The following RBFOX1 variants were observed in gnomAD, a reference collection of about 807,000 sequenced individuals.
RBFOX1 encodes the protein RNA binding protein fox-1 homolog 1.
Under a neutral mutation model 57.7 loss-of-function variants are expected in RBFOX1, and 8 were observed. The observed-to-expected ratio is 0.14, with a 90% CI of 0.08 to 0.25. The LOEUF is 0.25. RBFOX1 is among the 10% of genes least tolerant of loss of function. The probability of loss-of-function intolerance (pLI) is 1.00; values close to 1 mark genes in which losing one functional copy is unlikely to be tolerated. For synonymous variants in RBFOX1, 326 were observed against 222.4 expected, an observed-to-expected ratio of 1.47 and a Z score of -4.15; for missense variants, 611 against 548.5, an observed-to-expected ratio of 1.11 and a Z score of -1.14.
intron 4 of RBFOX1, among the ~76,000 whole-genome samples, chr16:7,470,852 C>T (rs530011779): frequency 1.3e-5 from 2 of 150,994 alleles, no homozygotes; most frequent in African/African-American, 4.9e-5. Context: ...GTTAAAGTAG[C>T]ATTGAGCATA....
intron 1 of RBFOX1, among the ~76,000 whole-genome samples, chr16:5,414,703 T>C (rs2067115446): frequency 6.6e-6 from 1 of 152,172 alleles, no homozygotes; most frequent in Non-Finnish European, 1.5e-5. Context: ...AAATTCAAAA[T>C]GACCTCTGGC....
chr16:5,455,808 A>G (rs950854530), intron 1 of RBFOX1, among the ~76,000 whole-genome samples: 1 of 152,186 alleles, frequency 6.6e-6, no homozygotes. Context: ...GTGCTTGGCT[A>G]GAGAACCCTG....
At chr16:7,052,760 C>G (rs904245962) in intron 4 of RBFOX1, among the ~76,000 whole-genome samples, 7 of 152,112 alleles carry the variant, frequency 4.6e-5, no homozygotes, top group African/African-American at 1.4e-4. Context: ...AGTGGACATT[C>G]TTCTTGGTAT....
chr16:5,757,137 C>T (rs2053425898), intron 3 of RBFOX1, among the ~76,000 whole-genome samples: 1 of 152,006 alleles, frequency 6.6e-6, no homozygotes. Flanking sequence ...TACTGCATAG[C>T]TGCCAAGCTT....
chr16:5,335,979 A>G (rs2064886291), intron 1 of RBFOX1, among the ~76,000 whole-genome samples: 1 of 152,136 alleles, frequency 6.6e-6, no homozygotes, highest in South Asian at 2.1e-4. Context: ...TCTGGGATGT[A>G]GGAATTATTA....
At chr16:7,139,174 C>G (rs866130218) in intron 4 of RBFOX1, among the ~76,000 whole-genome samples, 25 of 22,778 alleles carry the variant, frequency 1.1e-3, no homozygotes, top group African/African-American at 2.1e-3. Flanking sequence ...ATCAATCTCT[C>G]TCTGTGTGTG....
chr16:7,544,442 T>G (rs923694142), intron 5 of RBFOX1, among the ~76,000 whole-genome samples: 2 of 152,132 alleles, frequency 1.3e-5, no homozygotes, highest in Non-Finnish European at 2.9e-5. Context: ...TTAGATGAGG[T>G]TATACTGGAT....
chr16:7,101,112 C>A (rs953342364), intron 4 of RBFOX1, among the ~76,000 whole-genome samples: 1 of 152,154 alleles, frequency 6.6e-6, no homozygotes, highest in Admixed American at 6.5e-5. Context: ...TGCTATGGTA[C>A]TTTTAAGGCA....
intron 1 of RBFOX1, among the ~76,000 whole-genome samples, chr16:5,311,818 T>C (rs2064098109): frequency 6.6e-6 from 1 of 152,226 alleles, no homozygotes; most frequent in South Asian, 2.1e-4. Context: ...CTCTTGTTGC[T>C]GTCAATCTAG....
chr16:6,858,006 T>C (rs1032506963), intron 3 of RBFOX1, among the ~76,000 whole-genome samples: 4 of 152,188 alleles, frequency 2.6e-5, no homozygotes, highest in African/African-American at 4.8e-5. Flanking sequence ...AACCAGCATA[T>C]GGAAAAGGCA....
At chr16:7,264,425 A>C (rs965426151) in intron 4 of RBFOX1, among the ~76,000 whole-genome samples, 3 of 152,230 alleles carry the variant, frequency 2.0e-5, no homozygotes, top group African/African-American at 7.2e-5. Flanking sequence ...GATGGCTCAC[A>C]GTAGTCCAGT....
chr16:6,225,423 C>G (rs2097409037), intron 1 of RBFOX1, among the ~76,000 whole-genome samples: 1 of 152,120 alleles, frequency 6.6e-6, no homozygotes, highest in East Asian at 1.9e-4. Flanking sequence ...TTAATTGAAT[C>G]AAGATCAACC....
At chr16:6,755,624 T>C (rs1469910507) in intron 3 of RBFOX1, among the ~76,000 whole-genome samples, 1 of 152,236 alleles carries the variant, frequency 6.6e-6, no homozygotes, top group Non-Finnish European at 1.5e-5. Context: ...ACTGTGGCTC[T>C]TTTAACTGTA....
intron 4 of RBFOX1, among the ~76,000 whole-genome samples, chr16:7,347,545 C>T (rs1327948854): frequency 6.6e-6 from 1 of 152,052 alleles, no homozygotes; most frequent in African/African-American, 2.4e-5. Context: ...TGGGTGAGGA[C>T]ACAGCCAAAC....
chr16:6,747,444 T>TTGTC (rs1568445137), intron 3 of RBFOX1, among the ~76,000 whole-genome samples: 3 of 83,384 alleles, frequency 3.6e-5, no homozygotes, highest in Admixed American at 1.4e-4. Context: ...GTCAGTCAGT[T>TTGTC]AGTCTGTCTG....
intron 3 of RBFOX1, among the ~76,000 whole-genome samples, chr16:6,833,558 C>G (rs1037540050): frequency 6.6e-6 from 1 of 152,290 alleles, no homozygotes; most frequent in African/African-American, 2.4e-5. Context: ...CTCTGACAGT[C>G]TGACCGATCA....
At chr16:7,246,633 C>CTTTTTTTTTTTTTT (rs56654382) in intron 4 of RBFOX1, among the ~76,000 whole-genome samples, 4 of 105,478 alleles carry the variant, frequency 3.8e-5, no homozygotes, top group African/African-American at 1.3e-4. Flanking sequence ...TGGTCACCTC[C>CTTTTTTTTTTTTTT]TTTTTTTTTT....
At chr16:6,337,942 C>T (rs1420479569) in intron 2 of RBFOX1, among the ~76,000 whole-genome samples, 2 of 152,156 alleles carry the variant, frequency 1.3e-5, no homozygotes, top group African/African-American at 4.8e-5. Context: ...CATGCCAAAT[C>T]ACTAAGTGGA....
intron 1 of RBFOX1, among the ~76,000 whole-genome samples, chr16:5,304,167 A>G (rs916379239): frequency 5.3e-5 from 8 of 152,378 alleles, no homozygotes; most frequent in South Asian, 4.1e-4. Context: ...GGAAGGCTTC[A>G]TCATCTCAGA....
Sources: allele counts gnomAD v4.1 joint callset (sites outside exome capture counted in the v4.1 genomes callset), GRCh38; gene constraint gnomAD v4.1.1; transcripts MANE v1.5; gene names NCBI Gene and HGNC (gene_info 2026-07-23, HGNC 2026-07-21).